Variants in CDK13 observed in about 807,000 individuals in gnomAD.
The protein encoded by CDK13 is cyclin-dependent kinase 13.
In CDK13, 40 loss-of-function variants were observed where a neutral mutation model predicts 137.6. That is an observed-to-expected ratio of 0.29 (90% CI 0.23 to 0.38). CDK13 has a LOEUF of 0.38. CDK13 is among the 10% of genes least tolerant of loss of function. CDK13 has a pLI of 1.00. For synonymous variants in CDK13, 869 were observed against 760.1 expected (o/e 1.14, Z -2.36); for missense variants, 1,704 against 1,951.8 (o/e 0.87, Z 2.39).
At chr7:40,086,331 C>T (rs926135939) in intron 11 of CDK13, among the ~76,000 whole-genome samples, 6 of 152,048 alleles carry the variant, frequency 3.9e-5, no homozygotes, top group Admixed American at 6.6e-5. Context: ...GGAGAGTCTT[C>T]GGGTACCTCC....
At chr7:39,951,918 A>C (rs1175149480) in intron 1 of CDK13, 66 bp downstream of exon 1, 1 of 1,312,284 alleles carries the variant, frequency 7.6e-7, no homozygotes, top group Non-Finnish European at 9.7e-7. Context: ...GAGGAAGGGA[A>C]AGTGGTGCCC....
chr7:40,088,360 C>G, intron 12 of CDK13, 29 bp downstream of exon 12: 3 of 1,560,668 alleles, frequency 1.9e-6, no homozygotes, highest in South Asian at 1.1e-5. Flanking sequence ...GGTTGGTTTT[C>G]TTCACATTGT....
intron 5 of CDK13, among the ~76,000 whole-genome samples, chr7:40,044,830 G>T (rs1470255306): frequency 1.3e-5 from 2 of 151,770 alleles, no homozygotes; most frequent in Admixed American, 1.3e-4. Flanking sequence ...TAGAGACGGG[G>T]TTTCACTGTG....
chr7:40,002,208 T>G (rs1784698031), intron 5 of CDK13, 177 bp downstream of exon 5: 2 of 470,186 alleles, frequency 4.3e-6, no homozygotes, highest in African/African-American at 4.0e-5. Context: ...TAGTGGTTTT[T>G]GAGTAAACTT....
At chr7:40,080,097 C>T (rs1786634291) in intron 11 of CDK13, among the ~76,000 whole-genome samples, 1 of 152,204 alleles carries the variant, frequency 6.6e-6, no homozygotes, top group Non-Finnish European at 1.5e-5. Context: ...AAGTGATTCT[C>T]CTGCTTCAGC....
intron 5 of CDK13, among the ~76,000 whole-genome samples, chr7:40,008,492 A>G (rs891599740): frequency 3.3e-5 from 5 of 152,226 alleles, no homozygotes; most frequent in Admixed American, 1.3e-4. Flanking sequence ...TACATGAATG[A>G]CAAACCTGTT....
chr7:40,052,366 G>A (rs897816436), intron 7 of CDK13, among the ~76,000 whole-genome samples: 3 of 152,004 alleles, frequency 2.0e-5, no homozygotes. Context: ...TAGTAGAGAC[G>A]GGGTTTCACC....
chr7:40,036,606 A>G (rs184618314), intron 5 of CDK13, among the ~76,000 whole-genome samples: 18 of 152,238 alleles, frequency 1.2e-4, no homozygotes, highest in African/African-American at 3.8e-4. Context: ...AAAATATAAA[A>G]ATAAAAGTAG....
At chr7:39,970,547 G>A (rs968653710) in intron 1 of CDK13, among the ~76,000 whole-genome samples, 1 of 150,656 alleles carries the variant, frequency 6.6e-6, no homozygotes, top group East Asian at 2.0e-4. Flanking sequence ...TGCAACCTCC[G>A]CCTCCCAGGT....
chr7:39,981,267 G>A (rs1784217465), intron 1 of CDK13, among the ~76,000 whole-genome samples: 2 of 152,044 alleles, frequency 1.3e-5, no homozygotes, highest in South Asian at 4.2e-4. Flanking sequence ...ACTTTTGGGG[G>A]GTGGAGGTGG....
chr7:39,999,535 A>G (rs1784639550), intron 4 of CDK13, 35 bp downstream of exon 4: 2 of 1,553,826 alleles, frequency 1.3e-6, no homozygotes, highest in Non-Finnish European at 1.7e-6. Context: ...CTTTGGGCCT[A>G]CGGAATGTAC....
At chr7:40,003,961 C>T (rs1159357330) in intron 5 of CDK13, among the ~76,000 whole-genome samples, 1 of 152,188 alleles carries the variant, frequency 6.6e-6, no homozygotes, top group Non-Finnish European at 1.5e-5. Flanking sequence ...TTTAATGTTT[C>T]CTAATAAGTG....
intron 9 of CDK13, among the ~76,000 whole-genome samples, chr7:40,064,284 C>CAA (rs1388646828): frequency 0.13 from 7,948 of 59,566 alleles, 1,023 homozygotes; most frequent in African/African-American, 0.31. Flanking sequence ...AATTATGTCT[C>CAA]AAAAAAAAAA....
intron 1 of CDK13, among the ~76,000 whole-genome samples, chr7:39,959,196 T>G (rs1380086007): frequency 6.6e-6 from 1 of 151,722 alleles, no homozygotes; most frequent in African/African-American, 2.4e-5. Context: ...TTTTTTTTTT[T>G]GCTCTTGTTG....
rs1406422334 is a variant in CDK13, at chr7:39,987,771, G to T, written c.1384G>T (p.Ala462Ser). 6.2e-7 allele frequency: 1 copy of T among 1,614,024 alleles called. No homozygotes were observed. Among genetic ancestry groups the T allele is most frequent in the Non-Finnish European group, 8.5e-7 (1 of 1,180,028 alleles). Residue 462 changes from alanine to serine, a missense_variant, in exon 2 of 14, where the codon GCA becomes TCA. By Grantham distance (99) the Ala-to-Ser change is moderately conservative (BLOSUM62 1). Transcript: ENST00000181839. ...GAACAAGAATAAAAAAGCACGAGCA[G>T]CAGAGGCAGCAAGAGCCGCAGAAGC... ...ELNKNKKARA[A>S]EAARAAEAAK...
intron 2 of CDK13, among the ~76,000 whole-genome samples, chr7:39,990,863 G>A (rs1352407059): frequency 6.6e-6 from 1 of 152,202 alleles, no homozygotes; most frequent in Non-Finnish European, 1.5e-5. Flanking sequence ...ATTAGTCATA[G>A]TATAAATCAG....
chr7:39,952,897 C>T (rs1787281281), intron 1 of CDK13: 1 of 152,150 alleles, frequency 6.6e-6, no homozygotes, highest in African/African-American at 2.4e-5. Flanking sequence ...AAGCAAAGTG[C>T]ATTAAAAACA....
intron 9 of CDK13, among the ~76,000 whole-genome samples, chr7:40,074,522 CAAAAAAAA>C (rs34228836): frequency 1.3e-5 from 1 of 78,074 alleles, no homozygotes; most frequent in Non-Finnish European, 2.7e-5. Context: ...GACACCATCT[CAAAAAAAA>C]AAAAAAAAAA....
At chr7:39,968,025 C>G (rs542149312) in intron 1 of CDK13, among the ~76,000 whole-genome samples, 1 of 152,312 alleles carries the variant, frequency 6.6e-6, no homozygotes, top group Non-Finnish European at 1.5e-5. Context: ...ATCACCAAAT[C>G]CAACTGTATT....
Sources: gnomAD v4.1 joint callset for allele counts (sites outside exome capture counted in the v4.1 genomes callset) on GRCh38, gnomAD v4.1.1 for gene constraint, MANE v1.5 for transcripts, NCBI Gene and HGNC (gene_info 2026-07-23, HGNC 2026-07-21) for gene names.